The following HOOK1 variants were observed in gnomAD, a reference collection of about 807,000 sequenced individuals.
HOOK1 encodes the protein protein Hook homolog 1.
Under a neutral mutation model 112.8 loss-of-function variants are expected in HOOK1, and 60 were observed. That is an observed-to-expected ratio of 0.53 (90% CI 0.43 to 0.66). The LOEUF (loss-of-function observed/expected upper bound fraction) is 0.66. Ranked by LOEUF, HOOK1 falls within the 30% of genes least tolerant of loss-of-function variation. The pLI is 0.00. For synonymous variants in HOOK1, 294 were observed against 283.8 expected (o/e 1.04, Z -0.36); for missense variants, 770 against 856.0 (o/e 0.90, Z 1.25).
chr1:59,857,088 A>G (rs993482502), intron 12 of HOOK1, among the ~76,000 whole-genome samples: 10 of 152,168 alleles, frequency 6.6e-5, no homozygotes, highest in African/African-American at 2.2e-4. Flanking sequence ...TGATGATTCT[A>G]TTTGCCAAAT....
At position 59,875,574 on chromosome 1, in the gene HOOK1, A is replaced by G. The variant is rs1559066677; in HGVS notation, c.*2609A>G. 6.6e-6 allele frequency: 1 copy of G among 152,510 alleles called. No individual in the cohort carries two copies. The highest frequency in any genetic ancestry group is 2.1e-4 in the South Asian group (1 of 4,834). 9.4% of individuals were successfully genotyped at this position (152,510 alleles called of 1,614,324 possible). On this transcript the variant is annotated 3_prime_UTR_variant, in exon 22 of 22. Transcript: ENST00000371208. ...TGTGTTATAAGGGAGGCTTGAGTAC[A>G]TATACCAATGAAGAGATATTCAGCA...
chr1:59,863,427 A>G (rs1194060646), intron 16 of HOOK1, among the ~76,000 whole-genome samples: 9 of 152,146 alleles, frequency 5.9e-5, no homozygotes. Flanking sequence ...TTCCTTAATG[A>G]TTCATGGCCT....
intron 12 of HOOK1, among the ~76,000 whole-genome samples, chr1:59,855,977 TATA>T (rs2098410453): frequency 1.4e-3 from 123 of 85,578 alleles, no homozygotes; most frequent in Non-Finnish European, 2.6e-3. Flanking sequence ...TATATATATA[TATA>T]TATATTTTTT....
chr1:59,859,926 G>A (rs1453354002), intron 14 of HOOK1, among the ~76,000 whole-genome samples: 1 of 151,836 alleles, frequency 6.6e-6, no homozygotes, highest in Non-Finnish European at 1.5e-5. Context: ...ATGATTTATA[G>A]CATAATCTTA....
At chr1:59,832,696 A>G (rs1416702867) in intron 4 of HOOK1, among the ~76,000 whole-genome samples, 1 of 152,134 alleles carries the variant, frequency 6.6e-6, no homozygotes, top group Admixed American at 6.5e-5. Context: ...ATTCAGCATC[A>G]TAACAAGTTC....
chr1:59,864,062 G>A (rs961572972), intron 16 of HOOK1, among the ~76,000 whole-genome samples: 4 of 151,770 alleles, frequency 2.6e-5, no homozygotes, highest in Non-Finnish European at 4.4e-5. Flanking sequence ...CAATAGATGC[G>A]GAACGACTAT....
At position 59,871,082 on chromosome 1, in the gene HOOK1, A is replaced by T. The variant is rs1644048221; in HGVS notation, c.1988A>T (p.Lys663Ile). 1.6e-5 allele frequency: 25 copies of T among 1,612,326 alleles called. No individual in the cohort carries two copies. The highest frequency in any genetic ancestry group is 2.0e-5 in the Non-Finnish European group (24 of 1,178,640). The change falls in exon 21 of 22, where the codon AAA becomes ATA. Residue 663 changes from lysine to isoleucine, a missense_variant. By Grantham distance (102) the Lys-to-Ile change is moderately radical (BLOSUM62 -3). Transcript: ENST00000371208. Reference sequence around the variant, plus strand: ...GCAAAATTCCGTGATTATGAAGAAAAACTCATTGTTTCTGCGTGGTATAAT... The same window carrying T: ...GCAAAATTCCGTGATTATGAAGAAATACTCATTGTTTCTGCGTGGTATAAT... ...KVAKFRDYEE[K>I]LIVSAWYNKS... is the part of the protein sequence containing the mutation.
In HOOK1 at chr1:59,873,760, T is replaced by TATATAC. The variant is rs1644093718; in HGVS notation, c.*796_*801dup. The TATATAC allele has an allele frequency of 3.5e-5, 5 of 144,098 alleles. No individual in the cohort carries two copies. The South Asian group carries it at 6.5e-4, about 19-fold the overall frequency. The allele number at this position is 144,098 out of a possible 1,614,324, so 8.9% of individuals were successfully genotyped here. ...ATATATATATATATATATATATATA[T>TATATAC]ATATACTTTTTGTGAAATGTCTATA... On this transcript the variant is annotated 3_prime_UTR_variant, in exon 22 of 22. Coordinates refer to ENST00000371208, the MANE Select transcript of HOOK1 (RefSeq NM_015888.6).
intron 20 of HOOK1, among the ~76,000 whole-genome samples, chr1:59,870,443 G>A (rs1429862695): frequency 2.0e-5 from 3 of 152,136 alleles, no homozygotes; most frequent in African/African-American, 7.2e-5. Context: ...TTTGGGCTTG[G>A]TTCTTATATA....
intron 9 of HOOK1, among the ~76,000 whole-genome samples, chr1:59,844,772 T>C (rs1392300884): frequency 6.6e-6 from 1 of 151,984 alleles, no homozygotes; most frequent in Non-Finnish European, 1.5e-5. Context: ...AGAAGTCTTG[T>C]ATGTCTTTTG....
At chr1:59,823,047 G>T (rs898134789) in intron 2 of HOOK1, among the ~76,000 whole-genome samples, 1 of 152,222 alleles carries the variant, frequency 6.6e-6, no homozygotes, top group African/African-American at 2.4e-5. Context: ...TTGGCCGGGT[G>T]CGGTGGCTCA....
Position 59,873,560 on chromosome 1 carries a change from A to G in HOOK1, c.*595A>G, listed in dbSNP as rs1644090125. ...ATCTGACAATTGGAATGACTTTGGAATAATAAAATTGACTAATTGGAAATT... is the reference window on the plus strand; with the variant it reads ...ATCTGACAATTGGAATGACTTTGGAGTAATAAAATTGACTAATTGGAAATT... On this transcript the variant is annotated 3_prime_UTR_variant, in exon 22 of 22. Coordinates refer to ENST00000371208, the MANE Select transcript of HOOK1 (RefSeq NM_015888.6). The G allele has an allele frequency of 1.3e-5, 2 of 151,880 alleles. No homozygotes were observed. Among genetic ancestry groups the G allele is most frequent in the South Asian group, 4.2e-4 (2 of 4,802 alleles). 9.4% of individuals were successfully genotyped at this position (151,880 alleles called of 1,614,324 possible).
intron 2 of HOOK1, among the ~76,000 whole-genome samples, chr1:59,826,915 A>G (rs1196870524): frequency 6.6e-6 from 1 of 152,130 alleles, no homozygotes; most frequent in Non-Finnish European, 1.5e-5. Flanking sequence ...GGCATGTGCC[A>G]CCATGCCTGG....
intron 12 of HOOK1, among the ~76,000 whole-genome samples, chr1:59,853,332 A>C (rs950745889): frequency 1.3e-5 from 2 of 151,826 alleles, no homozygotes; most frequent in African/African-American, 2.4e-5. Flanking sequence ...TTCCTGATAG[A>C]TTGATTTTTC....
intron 2 of HOOK1, among the ~76,000 whole-genome samples, chr1:59,825,558 T>C (rs1351419830): frequency 6.6e-6 from 1 of 152,234 alleles, no homozygotes; most frequent in East Asian, 1.9e-4. Context: ...CTTTCTTTCA[T>C]TTAAAATTTA....
In HOOK1 at chr1:59,828,798, C is replaced by T. The variant is rs1230803715; in HGVS notation, c.168C>T (p.Asn56=). The change falls in exon 3 of 22, where the codon AAC becomes AAT. Residue 56 remains asparagine, a synonymous_variant. Coordinates refer to ENST00000371208, the MANE Select transcript of HOOK1 (RefSeq NM_015888.6). ...GTTTCAGTGATGCAGCTTGGTTTAA[C>T]GAATCTTGGTTAAGCCGAATTAAAG... ...VLHQIDAAWF[N]ESWLSRIKED... is the part of the protein sequence containing the mutation. The T allele has an allele frequency of 1.9e-5, 31 of 1,612,926 alleles. No homozygotes were observed. The highest frequency in any genetic ancestry group is 1.7e-4 in the Middle Eastern group (1 of 6,056).
rs1644085688 is a variant in HOOK1, at chr1:59,873,230, G to A, written c.*265G>A. 2.2e-5 allele frequency: 6 copies of A among 271,394 alleles called. No homozygotes were observed. The highest frequency in any genetic ancestry group is 4.1e-5 in the Non-Finnish European group (6 of 146,990). The allele number at this position is 271,394 out of a possible 1,614,324, so 16.8% of individuals were successfully genotyped here. On this transcript the variant is annotated 3_prime_UTR_variant, in exon 22 of 22. Transcript: ENST00000371208. ...TTTCAAACAAACATTTGTCTTTTGA[G>A]AGTATTATAATTTCAAATTGGCCTT...
chr1:59,858,510 A>C lies in HOOK1; in HGVS notation c.1325A>C (p.Gln442Pro), dbSNP rs758028201. ...CSQVQQDHLNQTDASATKSYE... is the reference protein window; with the variant it reads ...CSQVQQDHLNPTDASATKSYE... ...CAAGTACAACAGGACCACCTAAACC[A>C]AACAGGTTAATTTTGTTAGATTTAG... The change falls in exon 13 of 22, where the codon CAA becomes CCA. Residue 442 changes from glutamine to proline, a missense_variant. Transcript: ENST00000371208. 42 of 1,605,092 alleles carry C rather than the reference A, an allele frequency of 2.6e-5. No homozygotes were observed. Among genetic ancestry groups the C allele is most frequent in the Non-Finnish European group, 3.5e-5 (41 of 1,171,982 alleles).
intron 1 of HOOK1, among the ~76,000 whole-genome samples, chr1:59,816,318 A>C (rs2098381473): frequency 1.3e-5 from 2 of 152,226 alleles, no homozygotes; most frequent in Non-Finnish European, 2.9e-5. Flanking sequence ...GCAAATATTT[A>C]GGGTTTGTGA....
Sources: gnomAD v4.1 joint callset for allele counts (sites outside exome capture counted in the v4.1 genomes callset) on GRCh38, gnomAD v4.1.1 for gene constraint, MANE v1.5 for transcripts, NCBI Gene and HGNC (gene_info 2026-07-23, HGNC 2026-07-21) for gene names.